The following BCOR variants were observed in gnomAD, a reference collection of about 807,000 sequenced individuals.
BCOR encodes the protein BCL-6 corepressor.
A neutral mutation model predicts 86.7 loss-of-function variants in BCOR; 10 were observed. That is an observed-to-expected ratio of 0.12 (90% CI 0.07 to 0.20). The LOEUF (loss-of-function observed/expected upper bound fraction) is 0.20, where lower values mean the gene tolerates loss of function less well. Ranked by LOEUF, BCOR falls within the 10% of genes least tolerant of loss-of-function variation. The probability of loss-of-function intolerance (pLI) is 1.00; values close to 1 mark genes in which losing one functional copy is unlikely to be tolerated. For missense variants in BCOR, 1,259 were observed against 1,452.1 expected (o/e 0.87, Z 2.16); for synonymous variants, 611 against 609.0 (o/e 1.00, Z -0.05).
At chrX:40,139,417 T>A (rs866030925) in intron 1 of BCOR, among the ~76,000 whole-genome samples, 22 of 5,852 alleles carry the variant, frequency 3.8e-3, no homozygotes, top group South Asian at 0.012. Flanking sequence ...ATATATATAA[T>A]ATATATACAT....
At chrX:40,106,368 C>T (rs1321630278) in intron 1 of BCOR, among the ~76,000 whole-genome samples, 1 of 112,249 alleles carries the variant, frequency 8.9e-6, no homozygotes, top group Non-Finnish European at 1.9e-5. Context: ...GGCGCGGGCT[C>T]GGGCCGCGGG....
At chrX:40,097,047 A>C (rs888146779) in intron 1 of BCOR, among the ~76,000 whole-genome samples, 168 bp downstream of exon 1, 1 of 112,859 alleles carries the variant, frequency 8.9e-6, no homozygotes, top group Non-Finnish European at 1.9e-5. Context: ...ATAGCTATGA[A>C]ATAAAAACGA....
chrX:40,170,404 G>T (rs1433808653), intron 1 of BCOR, among the ~76,000 whole-genome samples: 1 of 108,660 alleles, frequency 9.2e-6, no homozygotes, highest in Non-Finnish European at 1.9e-5. Context: ...AGGCTGGAGT[G>T]AAGTGGCACG....
chrX:40,100,166 C>T (rs1186209388), upstream of BCOR, among the ~76,000 whole-genome samples: 10 of 113,044 alleles, frequency 8.8e-5, no homozygotes, highest in Non-Finnish European at 1.9e-4. Flanking sequence ...GTTGTGGCAA[C>T]ATTTCTTTTT....
intron 1 of BCOR, among the ~76,000 whole-genome samples, chrX:40,145,826 C>A (rs1391998059): frequency 9.0e-6 from 1 of 111,711 alleles, no homozygotes; most frequent in Non-Finnish European, 1.9e-5. Flanking sequence ...GAGAAGCGGA[C>A]CCGGATTAGG....
At chrX:40,060,696 C>G (rs777237437) in intron 10 of BCOR, among the ~76,000 whole-genome samples, 1 of 112,733 alleles carries the variant, frequency 8.9e-6, no homozygotes, top group Admixed American at 9.3e-5. Context: ...CGCCGCTGCT[C>G]TCAGCTTATG....
chrX:40,093,082 G>A (rs1184691184), intron 1 of BCOR, among the ~76,000 whole-genome samples: 1 of 112,416 alleles, frequency 8.9e-6, no homozygotes, highest in Non-Finnish European at 1.9e-5. Flanking sequence ...TTCTGCCCCA[G>A]TTTCCAGCTC....
chrX:40,144,880 C>T (rs1050014688), intron 1 of BCOR, among the ~76,000 whole-genome samples: 3 of 111,194 alleles, frequency 2.7e-5, no homozygotes, highest in African/African-American at 6.6e-5. Flanking sequence ...GACCTCTTGA[C>T]CACTCTGGCT....
chrX:40,171,888 A>G (rs1213696130), intron 1 of BCOR, among the ~76,000 whole-genome samples: 1 of 112,897 alleles, frequency 8.9e-6, no homozygotes, highest in African/African-American at 3.2e-5. Flanking sequence ...GTTCTGCCTT[A>G]AGGCGCGCGG....
rs865796679 is a variant in BCOR, at chrX:40,074,618, C to T, written c.728G>A (p.Arg243His). ...LYSPVCTNGERFLYLPPPHYV... is the reference protein window; with the variant it reads ...LYSPVCTNGEHFLYLPPPHYV... ...GTGAGGTGGCGGCAGGTAGAGAAAG[C>T]GCTCCCCATTGGTGCAGACTGGAGA... Residue 243 changes from arginine to histidine, a missense_variant, in exon 4 of 15, where the codon CGC becomes CAC. Arg to His is a conservative substitution (Grantham distance 29). This residue lies in a region of BCOR where 6 missense variants were observed against 23.4 expected (regional missense o/e 0.26). Transcript: ENST00000378444. 8.3e-7 allele frequency: 1 copy of T among 1,211,909 alleles called. No individual in the cohort carries two copies. Among genetic ancestry groups the T allele is most frequent in the Non-Finnish European group, 1.1e-6 (1 of 895,438 alleles).
chrX:40,114,307 T>C (rs1937360033), intron 1 of BCOR, among the ~76,000 whole-genome samples: 1 of 110,781 alleles, frequency 9.0e-6, no homozygotes, highest in African/African-American at 3.3e-5. Context: ...GGAGACACTG[T>C]CTTTTGGGGA....
intron 1 of BCOR, among the ~76,000 whole-genome samples, chrX:40,162,827 CTAGCAGATCAAA>C (rs1420565624): frequency 3.6e-5 from 4 of 112,051 alleles, no homozygotes; most frequent in Admixed American, 1.9e-4. Flanking sequence ...CCACAATAAA[CTAGCAGATCAAA>C]TAGCAGATCA....
rs754396595 is a variant in BCOR, at chrX:40,173,958, G to C, written c.-41+3049C>G. On this transcript the variant is annotated intron_variant, in intron 1 of 14. Coordinates refer to the BCOR transcript ENST00000342274. Reference sequence around the variant, plus strand: ...GATGCAAATACCACTTCTGTAGACAGAATCGGTCAGACTTCTAATTTCAAA... The same window carrying C: ...GATGCAAATACCACTTCTGTAGACACAATCGGTCAGACTTCTAATTTCAAA... 2.7e-5 allele frequency among the ~76,000 whole-genome samples: 3 copies of C among 113,027 alleles called. No individual in the cohort carries two copies. The Admixed American group carries it at 2.8e-4, about 10-fold the overall frequency.
At chrX:40,176,058 T>A (rs1285506071) in intron 1 of BCOR, among the ~76,000 whole-genome samples, 1 of 112,504 alleles carries the variant, frequency 8.9e-6, no homozygotes, top group Non-Finnish European at 1.9e-5. Context: ...GATGGCCAAG[T>A]TTGTGTCCTT....
At chrX:40,161,871 A>G (rs181131867) in intron 1 of BCOR, among the ~76,000 whole-genome samples, 6 of 111,628 alleles carry the variant, frequency 5.4e-5, no homozygotes, top group Admixed American at 2.9e-4. Flanking sequence ...GCAGTGAACA[A>G]TATGCCTTAA....
intron 10 of BCOR, among the ~76,000 whole-genome samples, chrX:40,059,127 G>A (rs1419187650): frequency 4.5e-5 from 5 of 112,035 alleles, no homozygotes; most frequent in African/African-American, 1.6e-4. Context: ...GAAAGATGTC[G>A]AGGCTGAAGG....
rs1212939575 is a variant in BCOR, at chrX:40,053,697, C to G, written c.4976+189G>C. Reference sequence around the variant, plus strand: ...TTTATACCATGCTGTGCCCCACCCCCCACCACACTGGGTGTAAGGAAGCTG... The same window carrying G: ...TTTATACCATGCTGTGCCCCACCCCGCACCACACTGGGTGTAAGGAAGCTG... On this transcript the variant is annotated intron_variant, in intron 14 of 14. Transcript: ENST00000378444. 14 of 501,159 alleles carry G rather than the reference C, an allele frequency of 2.8e-5. No homozygotes were observed. In the East Asian group the frequency reaches 5.2e-4, roughly 18 times the overall value. 41.3% of individuals were successfully genotyped at this position (501,159 alleles called of 1,213,427 possible). A position where few individuals can be genotyped will look rare whatever the true frequency, so the allele number is the denominator to read the frequency against.
chrX:40,096,129 G>A (rs1936855387), intron 1 of BCOR, among the ~76,000 whole-genome samples: 1 of 113,085 alleles, frequency 8.8e-6, no homozygotes, highest in Non-Finnish European at 1.9e-5. Context: ...CCTTGGCCGA[G>A]GATCTTGCCC....
At chrX:40,172,174 G>A (rs1355328562) in intron 1 of BCOR, among the ~76,000 whole-genome samples, 1 of 112,811 alleles carries the variant, frequency 8.9e-6, no homozygotes, top group Admixed American at 9.3e-5. Flanking sequence ...AGACGAGCAG[G>A]GTAGACTACT....
Sources: gnomAD v4.1 joint callset for allele counts (sites outside exome capture counted in the v4.1 genomes callset) on GRCh38, gnomAD v4.1.1 for gene constraint, gnomAD v4.1.1 regional missense constraint, MANE v1.5 for transcripts, NCBI Gene and HGNC (gene_info 2026-07-23, HGNC 2026-07-21) for gene names.